ROBO2: variants seen among roughly 807,000 people sequenced by gnomAD.
ROBO2 encodes the protein roundabout guidance receptor 2.
A neutral mutation model predicts 160.8 loss-of-function variants in ROBO2; 53 were observed. The observed-to-expected ratio is 0.33, with a 90% CI of 0.26 to 0.41. The LOEUF (loss-of-function observed/expected upper bound fraction) is 0.41. Ranked by LOEUF, ROBO2 falls within the 10% of genes least tolerant of loss-of-function variation. The pLI, the probability that ROBO2 is intolerant of heterozygous loss-of-function variation, is 1.00. For synonymous variants in ROBO2, 664 were observed against 611.7 expected (o/e 1.09, Z -1.26); for missense variants, 1,577 against 1,722.4 (o/e 0.92, Z 1.49).
chr3:77,612,212 T>G (rs2153699136), intron 21 of ROBO2, among the ~76,000 whole-genome samples: 1 of 152,324 alleles, frequency 6.6e-6, no homozygotes, highest in African/African-American at 2.4e-5. Flanking sequence ...CACAGTCTTT[T>G]TCAATGTTAC....
chr3:76,828,776 T>C (rs1349842173), intron 2 of ROBO2, among the ~76,000 whole-genome samples: 2 of 152,198 alleles, frequency 1.3e-5, no homozygotes, highest in Non-Finnish European at 2.9e-5. Context: ...TTATGTCCTG[T>C]GTTGGATCTG....
chr3:77,036,109 T>A (rs1254567109), upstream of ROBO2, among the ~76,000 whole-genome samples: 1 of 151,972 alleles, frequency 6.6e-6, no homozygotes, highest in East Asian at 1.9e-4. Flanking sequence ...TAACATAGAC[T>A]TTGTATTCAG....
intron 2 of ROBO2, among the ~76,000 whole-genome samples, chr3:76,425,190 C>T (rs1264958303): frequency 6.6e-6 from 1 of 151,688 alleles, no homozygotes; most frequent in Non-Finnish European, 1.5e-5. Flanking sequence ...AAATAGGATT[C>T]TGCCTTTTTT....
At chr3:77,628,479 A>G (rs1179589731) in intron 23 of ROBO2, among the ~76,000 whole-genome samples, 1 of 149,776 alleles carries the variant, frequency 6.7e-6, no homozygotes, top group Non-Finnish European at 1.5e-5. Flanking sequence ...CTAAATCTTC[A>G]GCTCATTGCT....
chr3:76,437,579 G>C (rs1456373168), intron 2 of ROBO2, among the ~76,000 whole-genome samples: 1 of 152,108 alleles, frequency 6.6e-6, no homozygotes. Context: ...ATTCTGAACA[G>C]ACAGATGGTT....
intron 2 of ROBO2, among the ~76,000 whole-genome samples, chr3:76,441,766 TTAATAA>T (rs2076935516): frequency 6.6e-6 from 1 of 152,320 alleles, no homozygotes; most frequent in Admixed American, 6.5e-5. Flanking sequence ...AATTTTCATG[TTAATAA>T]TAAGAGGAAT....
intron 23 of ROBO2, among the ~76,000 whole-genome samples, chr3:77,625,316 G>GTAA (rs769742304): frequency 1.6e-4 from 24 of 151,294 alleles, no homozygotes; most frequent in Admixed American, 3.3e-4. Flanking sequence ...TTTAGATTCA[G>GTAA]TAATAATAAT....
chr3:77,234,498 A>G (rs928007429), intron 2 of ROBO2, among the ~76,000 whole-genome samples: 10 of 152,214 alleles, frequency 6.6e-5, no homozygotes, highest in African/African-American at 2.4e-4. Context: ...GGTGAATCGC[A>G]CAGACAATCT....
chr3:76,643,202 T>G lies in ROBO2; in HGVS notation c.110-454812T>G, dbSNP rs549403200. The stretch of plus-strand genomic sequence containing the variant: ...AATCAGAAATAACTTAGTAAAAAAA[T>G]GTAATTGTTGTCTTCTGTTCAATGT... On this transcript the variant is annotated intron_variant, in intron 2 of 26. Transcript: ENST00000487694. Among the ~76,000 whole-genome samples, 6 of 152,226 alleles carry G rather than the reference T, an allele frequency of 3.9e-5. No individual in the cohort carries two copies. The East Asian group carries it at 1.2e-3, about 29-fold the overall frequency.
chr3:76,600,728 G>A (rs999829288), intron 2 of ROBO2, among the ~76,000 whole-genome samples: 3 of 152,098 alleles, frequency 2.0e-5, no homozygotes, highest in Non-Finnish European at 4.4e-5. Context: ...AAATTTGGGT[G>A]GGGACACAGA....
At chr3:77,334,184 A>G (rs1386080043) in intron 2 of ROBO2, among the ~76,000 whole-genome samples, 3 of 152,172 alleles carry the variant, frequency 2.0e-5, no homozygotes, top group African/African-American at 7.2e-5. Flanking sequence ...CTGTACGTGG[A>G]TTAGGTAGTA....
chr3:76,638,976 TC>T (rs960828356), intron 2 of ROBO2, among the ~76,000 whole-genome samples: 44 of 152,276 alleles, frequency 2.9e-4, no homozygotes, highest in Admixed American at 7.2e-4. Flanking sequence ...ATTACGTCCC[TC>T]CAGTGTTTTT....
At chr3:76,378,579 A>G (rs536466448) in intron 2 of ROBO2, among the ~76,000 whole-genome samples, 1 of 152,308 alleles carries the variant, frequency 6.6e-6, no homozygotes, top group Middle Eastern at 3.4e-3. Flanking sequence ...CTTTGGTAGG[A>G]TGCACAAGAA....
intron 2 of ROBO2, among the ~76,000 whole-genome samples, chr3:77,353,084 C>T (rs139283350): frequency 0.015 from 1,289 of 87,830 alleles, 10 homozygotes; most frequent in South Asian, 0.044. Context: ...TTCTTAATGG[C>T]TTAAACTTTT....
intron 2 of ROBO2, among the ~76,000 whole-genome samples, chr3:76,768,487 T>C (rs1267190337): frequency 1.3e-5 from 2 of 151,472 alleles, no homozygotes; most frequent in Non-Finnish European, 1.5e-5. Flanking sequence ...TAGAAGTATT[T>C]ATTAGATTAA....
chr3:76,834,010 T>C (rs2067320288), intron 2 of ROBO2, among the ~76,000 whole-genome samples: 1 of 128,594 alleles, frequency 7.8e-6, no homozygotes, highest in South Asian at 2.9e-4. Context: ...TCTTTCTTTC[T>C]TTCCTTTCTT....
At position 77,212,436 on chromosome 3, in the gene ROBO2, A is replaced by G. The variant is rs897906276; in HGVS notation, c.388+114096A>G. 1.9e-4 allele frequency among the ~76,000 whole-genome samples: 29 copies of G among 152,258 alleles called. 1 individual carries two copies. The highest frequency in any genetic ancestry group is 6.3e-4 in the African/African-American group (26 of 41,552). Reference sequence around the variant, plus strand: ...TTGGACATTGATTTTGTATCCTGAGACTTTGCTGAAGTTGCCTACCAGCTT... The same window carrying G: ...TTGGACATTGATTTTGTATCCTGAGGCTTTGCTGAAGTTGCCTACCAGCTT... On this transcript the variant is annotated intron_variant, in intron 2 of 25. Transcript: ENST00000461745.
chr3:76,535,408 G>A (rs1017098912), intron 2 of ROBO2, among the ~76,000 whole-genome samples: 1 of 152,022 alleles, frequency 6.6e-6, no homozygotes, highest in African/African-American at 2.4e-5. Flanking sequence ...GGCGTTGAGT[G>A]GGGTAAGGGT....
intron 2 of ROBO2, among the ~76,000 whole-genome samples, chr3:76,237,253 G>C (rs1252202337): frequency 6.6e-6 from 1 of 152,070 alleles, no homozygotes; most frequent in Non-Finnish European, 1.5e-5. Flanking sequence ...TATAAAAACT[G>C]TGAAAGAAGG....
Sources: allele counts gnomAD v4.1 joint callset (sites outside exome capture counted in the v4.1 genomes callset), GRCh38; gene constraint gnomAD v4.1.1; transcripts MANE v1.5; gene names NCBI Gene and HGNC (gene_info 2026-07-23, HGNC 2026-07-21).